The following SIPA1L3 variants were observed in gnomAD, a reference collection of about 807,000 sequenced individuals.
The protein encoded by SIPA1L3 is signal-induced proliferation-associated 1-like protein 3.
A neutral mutation model predicts 150.1 loss-of-function variants in SIPA1L3; 59 were observed. The ratio of observed to expected loss-of-function variants is 0.39; its 90% CI spans 0.32 to 0.49. The LOEUF (loss-of-function observed/expected upper bound fraction) is 0.49. Ranked by LOEUF, SIPA1L3 falls within the 20% of genes least tolerant of loss-of-function variation. SIPA1L3 has a pLI of 0.86. For synonymous variants in SIPA1L3, 1,070 were observed against 1,077.6 expected, an observed-to-expected ratio of 0.99 and a Z score of 0.14; for missense variants, 2,211 against 2,489.5, an observed-to-expected ratio of 0.89 and a Z score of 2.38.
intron 1 of SIPA1L3, among the ~76,000 whole-genome samples, chr19:37,941,452 GTTTTT>G (rs573938334): frequency 1.7e-5 from 2 of 115,696 alleles, no homozygotes; most frequent in African/African-American, 6.2e-5. Flanking sequence ...TCTGTTGTGT[GTTTTT>G]TTTTTTTTTT....
At chr19:37,937,762 A>AAAAAAAAAAAAAAAAAAAAAAAAAAC (rs1332436653) in intron 1 of SIPA1L3, among the ~76,000 whole-genome samples, 2 of 133,942 alleles carry the variant, frequency 1.5e-5, no homozygotes, top group Admixed American at 7.6e-5. Flanking sequence ...AAAAAAAAAA[A>AAAAAAAAAAAAAAAAAAAAAAAAAAC]AAGACCAGGC....
At chr19:38,028,644 C>T (rs1208080648) in intron 1 of SIPA1L3, among the ~76,000 whole-genome samples, 2 of 151,920 alleles carry the variant, frequency 1.3e-5, no homozygotes, top group Non-Finnish European at 2.9e-5. Context: ...CTTGGAGAAC[C>T]CTGGTTGTAT....
chr19:38,040,130 T>A (rs1055301394), intron 2 of SIPA1L3, among the ~76,000 whole-genome samples: 1 of 152,052 alleles, frequency 6.6e-6, no homozygotes, highest in East Asian at 1.9e-4. Context: ...AAAGAGAAAA[T>A]TGGACTCAAA....
intron 1 of SIPA1L3, among the ~76,000 whole-genome samples, chr19:37,962,300 C>T (rs971014768): frequency 4.0e-4 from 60 of 151,666 alleles, no homozygotes; most frequent in African/African-American, 1.1e-3. Flanking sequence ...TGCGCCACCA[C>T]GCCTGGCTGA....
intron 2 of SIPA1L3, among the ~76,000 whole-genome samples, chr19:38,080,338 A>G (rs897705454): frequency 2.6e-5 from 4 of 152,232 alleles, no homozygotes; most frequent in African/African-American, 9.6e-5. Flanking sequence ...GCAGAGGAAC[A>G]TGTTAAGTGG....
At chr19:38,035,789 G>A (rs533908772) in intron 2 of SIPA1L3, among the ~76,000 whole-genome samples, 2 of 152,210 alleles carry the variant, frequency 1.3e-5, no homozygotes, top group South Asian at 4.1e-4. Context: ...AGGAGGAGGA[G>A]GATGGTGGCA....
At chr19:37,991,849 T>C (rs1232229803) in intron 1 of SIPA1L3, among the ~76,000 whole-genome samples, 2 of 152,154 alleles carry the variant, frequency 1.3e-5, no homozygotes, top group Non-Finnish European at 2.9e-5. Flanking sequence ...TGTGGAGCCT[T>C]GCAGCTGATG....
At position 38,046,352 on chromosome 19, in the gene SIPA1L3, G is replaced by A. The variant is rs1257442214; in HGVS notation, c.-311+17196G>A. 6.6e-6 allele frequency among the ~76,000 whole-genome samples: 1 copy of A among 152,156 alleles called. No homozygotes were observed. Among genetic ancestry groups the A allele is most frequent in the Non-Finnish European group, 1.5e-5 (1 of 68,036 alleles). The stretch of plus-strand genomic sequence containing the variant: ...CCTCTCAGGCCCAGCGCTGCCAGCA[G>A]CCTGTCCCCCCTCCTCATTTCCCTA... On this transcript the variant is annotated intron_variant, in intron 2 of 21. Transcript: ENST00000222345. This position sits in a 1 kb window ranked among gnomAD's most constrained non-coding sequence, Gnocchi z 5.6.
chr19:37,927,010 AT>A (rs758273855), intron 1 of SIPA1L3, among the ~76,000 whole-genome samples: 645 of 144,260 alleles, frequency 4.5e-3, no homozygotes, highest in Middle Eastern at 0.011. Context: ...TGGTGGCATG[AT>A]TTTTTTTTTT....
At chr19:37,956,063 C>T (rs1418280682) in intron 1 of SIPA1L3, among the ~76,000 whole-genome samples, 1 of 152,182 alleles carries the variant, frequency 6.6e-6, no homozygotes, top group African/African-American at 2.4e-5. Flanking sequence ...GATCATGGCG[C>T]ACTACAGTAT....
chr19:38,128,046 CTTTTTTTTT>C (rs34053188), intron 9 of SIPA1L3, among the ~76,000 whole-genome samples: 1,095 of 66,600 alleles, frequency 0.016, 5 homozygotes, highest in South Asian at 0.041. Context: ...CCTTGGGCCT[CTTTTTTTTT>C]TTTTTTTTTT....
intron 1 of SIPA1L3, among the ~76,000 whole-genome samples, chr19:38,019,718 G>C (rs576409668): frequency 6.6e-6 from 1 of 152,262 alleles, no homozygotes; most frequent in East Asian, 1.9e-4. Flanking sequence ...GTGTCTGGTT[G>C]ACCAGAGGGT....
intron 8 of SIPA1L3, among the ~76,000 whole-genome samples, chr19:38,115,032 G>A (rs1338505656): frequency 6.6e-6 from 1 of 152,260 alleles, no homozygotes; most frequent in Non-Finnish European, 1.5e-5. Flanking sequence ...ACCAAAGGGA[G>A]TTGATGCCAC....
In SIPA1L3 at chr19:38,193,527, C is replaced by G. The variant is rs752115661; in HGVS notation, c.4597-10C>G. ...GTGACCTCCCCCAACATCCCACCCA[C>G]GCCCCACAGCAGTCACCGCAGAAGG... is the stretch of plus-strand genomic sequence containing the variant. On this transcript the variant is annotated splice_polypyrimidine_tract_variant and intron_variant, in intron 17 of 21. Transcript: ENST00000222345. 6.9e-7 allele frequency: 1 copy of G among 1,448,182 alleles called. No homozygotes were observed. The highest frequency in any genetic ancestry group is 1.5e-5 in the African/African-American group (1 of 67,444). The allele number at this position is 1,448,182 out of a possible 1,614,324, so 89.7% of individuals were successfully genotyped here. A position where few individuals can be genotyped will look rare whatever the true frequency, so the allele number is the denominator to read the frequency against.
At chr19:38,161,501 G>T (rs1382617543) in intron 13 of SIPA1L3, among the ~76,000 whole-genome samples, 2 of 151,914 alleles carry the variant, frequency 1.3e-5, no homozygotes, top group Non-Finnish European at 2.9e-5. Flanking sequence ...GAGGCAGGTG[G>T]ATCACGAGGT....
intron 1 of SIPA1L3, among the ~76,000 whole-genome samples, chr19:38,028,692 C>CTT (rs568012391): frequency 2.4e-3 from 323 of 135,984 alleles, no homozygotes; most frequent in Non-Finnish European, 3.8e-3. Context: ...TCAGTAAATA[C>CTT]TTTTTTTTTT....
intron 1 of SIPA1L3, among the ~76,000 whole-genome samples, chr19:37,953,428 C>T (rs377353404): frequency 1.3e-5 from 2 of 152,216 alleles, no homozygotes; most frequent in South Asian, 2.1e-4. Flanking sequence ...ATGACCAATT[C>T]GGAACAAAGT....
chr19:38,125,082 C>T (rs1971142676), intron 9 of SIPA1L3, among the ~76,000 whole-genome samples: 1 of 148,344 alleles, frequency 6.7e-6, no homozygotes, highest in Non-Finnish European at 1.5e-5. Context: ...GTCCCCCAGG[C>T]TGGAGTGCAG....
At chr19:38,158,661 T>C (rs1972005220) in intron 13 of SIPA1L3, among the ~76,000 whole-genome samples, 2 of 152,166 alleles carry the variant, frequency 1.3e-5, no homozygotes, top group African/African-American at 4.8e-5. Flanking sequence ...ATTCTGGATA[T>C]AGTATTTTAA....
Sources: allele counts gnomAD v4.1 joint callset (sites outside exome capture counted in the v4.1 genomes callset), GRCh38; gene constraint gnomAD v4.1.1; non-coding constraint Gnocchi (gnomAD v3.1); transcripts MANE v1.5; gene names NCBI Gene and HGNC (gene_info 2026-07-23, HGNC 2026-07-21).